BPIFC: variants seen among roughly 807,000 people sequenced by gnomAD.
The protein encoded by BPIFC is BPI fold containing family C, also known as BPI fold-containing family C protein.
In BPIFC, 60 loss-of-function variants were observed where a neutral mutation model predicts 57.6. The observed-to-expected ratio is 1.04, with a 90% CI of 0.85 to 1.29. BPIFC has a LOEUF of 1.29. Ranked by LOEUF, BPIFC falls within the 50% of genes most tolerant of loss-of-function variation. The pLI is 0.00. For missense variants in BPIFC, 581 were observed against 600.5 expected, an observed-to-expected ratio of 0.97 and a Z score of 0.34; for synonymous variants, 243 against 224.5, an observed-to-expected ratio of 1.08 and a Z score of -0.74.
At chr22:32,429,050 T>C (rs1482599789) in intron 13 of BPIFC, among the ~76,000 whole-genome samples, 1 of 152,132 alleles carries the variant, frequency 6.6e-6, no homozygotes, top group Non-Finnish European at 1.5e-5. Context: ...GATGCAAAGC[T>C]ATTTTCCTCT....
In BPIFC at chr22:32,447,300, C is replaced by T; in HGVS notation, c.286G>A (p.Ala96Thr). 1 of 1,613,996 alleles carries T rather than the reference C, an allele frequency of 6.2e-7. No individual in the cohort carries two copies. Among genetic ancestry groups the T allele is most frequent in the Non-Finnish European group, 8.5e-7 (1 of 1,179,958 alleles). ...SAFSFPNTSL[A>T]FVPGVGIKAL... Reference sequence around the variant, plus strand: ...TTGATTCCCACTCCAGGCACAAAAGCCAATGAGGTATTTGGAAATGAAAAG... The same window carrying T: ...TTGATTCCCACTCCAGGCACAAAAGTCAATGAGGTATTTGGAAATGAAAAG... Residue 96 changes from alanine to threonine, a missense_variant, in exon 5 of 17, where the codon GCT (alanine) becomes ACT (threonine). Ala to Thr is a moderately conservative substitution (Grantham distance 58). Coordinates refer to ENST00000300399, the MANE Select transcript of BPIFC (RefSeq NM_174932.3).
Position 32,435,800 on chromosome 22 carries a change from G to A in BPIFC, c.828C>T (p.Ser276=). ...ACTCGGCGATTCCAATGTAGAGCATGGAGTTGCTGCGTTCTGGGAGCACAA... is the reference window on the plus strand; with the variant it reads ...ACTCGGCGATTCCAATGTAGAGCATAGAGTTGCTGCGTTCTGGGAGCACAA... ...VPFVLPERSN[S]MLYIGIAEYF... Residue 276 remains serine, a synonymous_variant, in exon 10 of 17, where the codon TCC becomes TCT. Transcript: ENST00000300399. The A allele has an allele frequency of 6.2e-7, 1 of 1,614,174 alleles. No homozygotes were observed.
intron 4 of BPIFC, 52 bp from the exon 5 acceptor site, chr22:32,447,392 A>C: frequency 6.3e-7 from 1 of 1,576,830 alleles, no homozygotes; most frequent in Non-Finnish European, 8.6e-7. Flanking sequence ...ACATCTCTTC[A>C]GTCAAGCAAA....
At chr22:32,442,758 A>C in intron 7 of BPIFC, 27 bp from the exon 8 acceptor site, 1 of 1,606,674 alleles carries the variant, frequency 6.2e-7, no homozygotes, top group African/African-American at 1.3e-5. Flanking sequence ...AAAAAGAAAA[A>C]AGCAAGTTAC....
At chr22:32,423,879 CTCCAAAGAGAAGT>C (rs1933920327) in intron 13 of BPIFC, among the ~76,000 whole-genome samples, 1 of 151,510 alleles carries the variant, frequency 6.6e-6, no homozygotes, top group Admixed American at 6.6e-5. Context: ...CTGAGGTTGC[CTCCAAAGAGAAGT>C]ATGTTTGGAA....
intron 14 of BPIFC, 139 bp from the exon 15 acceptor site, chr22:32,417,287 T>C: frequency 1.6e-6 from 1 of 644,408 alleles, no homozygotes; most frequent in Non-Finnish European, 2.7e-6. Context: ...GCAATCTTCC[T>C]GCCTCAGCCT....
At chr22:32,433,874 T>C in intron 10 of BPIFC, 102 bp from the exon 11 acceptor site, 1 of 987,364 alleles carries the variant, frequency 1.0e-6, no homozygotes, top group Non-Finnish European at 1.6e-6. Flanking sequence ...GTGAAGCTGT[T>C]ACACCATAAA....
At position 32,416,738 on chromosome 22, in the gene BPIFC, C is replaced by T. The variant is rs148784417; in HGVS notation, c.1324+347G>A. ...GTTAGTGGTCCTGGCATAAGAACCA[C>T]GGAGATATCCCGTAGGGAAAATAAT... is the stretch of plus-strand genomic sequence containing the variant. On this transcript the variant is annotated intron_variant, in intron 15 of 16. Coordinates refer to ENST00000300399, the MANE Select transcript of BPIFC (RefSeq NM_174932.3). Among the ~76,000 whole-genome samples, 551 of 152,266 alleles carry T rather than the reference C, an allele frequency of 3.6e-3. 10 individuals are homozygous for T. The highest frequency in any genetic ancestry group is 7.5e-4 in the Non-Finnish European group (51 of 68,026).
chr22:32,424,566 T>C (rs1385357456), intron 13 of BPIFC, among the ~76,000 whole-genome samples: 2 of 143,230 alleles, frequency 1.4e-5, no homozygotes, highest in Non-Finnish European at 3.0e-5. Flanking sequence ...ATCTTAAGTG[T>C]TATTTTCTTT....
At chr22:32,449,607 T>C (rs1323004886) in intron 4 of BPIFC, among the ~76,000 whole-genome samples, 1 of 152,188 alleles carries the variant, frequency 6.6e-6, no homozygotes, top group Non-Finnish European at 1.5e-5. Context: ...TTTCAAACTG[T>C]GGATGGATGT....
Position 32,435,779 on chromosome 22 carries a change from G to A in BPIFC, c.849C>T (p.Ala283=), listed in dbSNP as rs757823017. Residue 283 remains alanine, a synonymous_variant, in exon 10 of 17, where the codon GCC becomes GCT. Coordinates refer to ENST00000300399, the MANE Select transcript of BPIFC (RefSeq NM_174932.3). ...AGGACGCAGATTTAAAGAAATACTC[G>A]GCGATTCCAATGTAGAGCATGGAGT... is the stretch of plus-strand genomic sequence containing the variant. ...RSNSMLYIGI[A]EYFFKSASFA... 2.0e-5 allele frequency: 33 copies of A among 1,613,980 alleles called. No homozygotes were observed. The highest frequency in any genetic ancestry group is 1.8e-4 in the South Asian group (16 of 91,074).
chr22:32,461,112 A>T (rs114561012), intron 2 of BPIFC, among the ~76,000 whole-genome samples: 1 of 152,048 alleles, frequency 6.6e-6, no homozygotes, highest in African/African-American at 2.4e-5. Context: ...AGGACAGGGG[A>T]TGTCTTACAG....
chr22:32,446,999 T>C (rs1934747911), intron 5 of BPIFC, among the ~76,000 whole-genome samples: 1 of 152,218 alleles, frequency 6.6e-6, no homozygotes. Context: ...CATTTGATCA[T>C]ATGCTCTGCC....
chr22:32,450,995 T>C (rs575536524), intron 4 of BPIFC, among the ~76,000 whole-genome samples: 14 of 152,358 alleles, frequency 9.2e-5, no homozygotes, highest in African/African-American at 3.4e-4. Flanking sequence ...TCAGTTTTTA[T>C]AATTAAAATT....
At chr22:32,450,591 G>T (rs539865569) in intron 4 of BPIFC, among the ~76,000 whole-genome samples, 1 of 151,882 alleles carries the variant, frequency 6.6e-6, no homozygotes, top group East Asian at 1.9e-4. Flanking sequence ...AATTACTAAT[G>T]AGATATTTTC....
At chr22:32,429,439 C>A (rs1934167568) in intron 13 of BPIFC, among the ~76,000 whole-genome samples, 1 of 151,106 alleles carries the variant, frequency 6.6e-6, no homozygotes, top group Non-Finnish European at 1.5e-5. Flanking sequence ...ATCTCCTGAC[C>A]TCATGATCCG....
intron 8 of BPIFC, among the ~76,000 whole-genome samples, chr22:32,440,627 T>G (rs1934538024): frequency 6.6e-6 from 1 of 152,218 alleles, no homozygotes; most frequent in Admixed American, 6.5e-5. Flanking sequence ...AACTTGTTCT[T>G]AGGTTCTTTC....
At chr22:32,423,140 C>G (rs1052300961) in intron 13 of BPIFC, among the ~76,000 whole-genome samples, 5 of 152,002 alleles carry the variant, frequency 3.3e-5, no homozygotes, top group Admixed American at 6.6e-5. Context: ...AGAAGTAGGA[C>G]CAGTGGATGA....
chr22:32,443,719 G>A (rs1934634532), intron 7 of BPIFC, among the ~76,000 whole-genome samples: 1 of 152,180 alleles, frequency 6.6e-6, no homozygotes, highest in Non-Finnish European at 1.5e-5. Flanking sequence ...CAAGTTACTT[G>A]TATTCTTTGA....
Sources: allele counts gnomAD v4.1 joint callset (sites outside exome capture counted in the v4.1 genomes callset), GRCh38; gene constraint gnomAD v4.1.1; transcripts MANE v1.5; gene names NCBI Gene and HGNC (gene_info 2026-07-23, HGNC 2026-07-21).